The following MUC22 variants were observed in gnomAD, a reference collection of about 807,000 sequenced individuals.
MUC22 encodes the protein mucin 22.
MUC22 carries 24 observed loss-of-function variants against 40.3 expected under a neutral mutation model. The ratio of observed to expected loss-of-function variants is 0.60; its 90% CI spans 0.43 to 0.84. The LOEUF (loss-of-function observed/expected upper bound fraction) is 0.84, where lower values mean the gene tolerates loss of function less well. Ranked by LOEUF, MUC22 falls within the 40% of genes least tolerant of loss-of-function variation. MUC22 has a pLI of 0.00. For missense variants in MUC22, 1,926 were observed against 2,130.7 expected (o/e 0.90, Z 1.89); for synonymous variants, 765 against 844.5 (o/e 0.91, Z 1.63).
intron 2 of MUC22, among the ~76,000 whole-genome samples, chr6:31,031,031 T>C (rs370406065): frequency 2.0e-4 from 31 of 152,342 alleles, no homozygotes; most frequent in African/African-American, 7.5e-4. Flanking sequence ...GACCAAACAA[T>C]TTTGTTCATT....
chr6:31,032,117 C>T lies in MUC22; in HGVS notation c.4670-79C>T. On this transcript the variant is annotated intron_variant, in intron 2 of 3. Transcript: ENST00000561890. This position sits in a 1 kb window ranked among gnomAD's most constrained non-coding sequence, Gnocchi z 4.1. ...CCACCATAGGTTTGTTAGATTCACC[C>T]TCCTCTGGTCTAAGCACCCCCATTC... is the stretch of plus-strand genomic sequence containing the variant. 7.0e-7 allele frequency: 1 copy of T among 1,428,710 alleles called. No individual in the cohort carries two copies. Among genetic ancestry groups the T allele is most frequent in the Non-Finnish European group, 9.2e-7 (1 of 1,081,636 alleles). 88.5% of individuals were successfully genotyped at this position (1,428,710 alleles called of 1,614,324 possible).
intron 1 of MUC22, among the ~76,000 whole-genome samples, chr6:31,012,679 C>T (rs903993545): frequency 6.6e-6 from 1 of 152,030 alleles, no homozygotes; most frequent in Non-Finnish European, 1.5e-5. Context: ...GGCTGAAAGG[C>T]CCCTCCTCTT....
At chr6:31,028,371 A>G in exon 2 of MUC22, 2 of 1,533,512 alleles carry the variant, frequency 1.3e-6, no homozygotes, top group Non-Finnish European at 1.7e-6. Context: ...CCTCCATCAC[A>G]GGCTCTGAGA....
chr6:31,007,271 A>G (rs1763581380), upstream of MUC22, among the ~76,000 whole-genome samples: 1 of 152,248 alleles, frequency 6.6e-6, no homozygotes, highest in Non-Finnish European at 1.5e-5. The surrounding 1 kb of genome is among the most constrained non-coding windows in gnomAD (Gnocchi z 4.0). Flanking sequence ...GGACATTTCT[A>G]CACAAATGGT....
At chr6:31,018,938 A>C (rs1048277868) in intron 1 of MUC22, among the ~76,000 whole-genome samples, 1 of 136,098 alleles carries the variant, frequency 7.3e-6, no homozygotes, top group East Asian at 2.3e-4. Context: ...AGCTTGGTCC[A>C]GCGCCCTATT....
intron 1 of MUC22, among the ~76,000 whole-genome samples, chr6:31,012,914 A>G (rs948099516): frequency 2.6e-5 from 4 of 152,058 alleles, no homozygotes; most frequent in Admixed American, 2.6e-4. Context: ...ATGCACAAGT[A>G]TCATCCAAGG....
chr6:31,006,369 A>G (rs1239764126), upstream of MUC22, among the ~76,000 whole-genome samples: 2 of 152,208 alleles, frequency 1.3e-5, no homozygotes, highest in Non-Finnish European at 2.9e-5. Flanking sequence ...GACATCCCAG[A>G]AAAGACAAAA....
chr6:31,022,900 C>T (rs767545670), intron 1 of MUC22, among the ~76,000 whole-genome samples: 29 of 152,140 alleles, frequency 1.9e-4, no homozygotes, highest in Non-Finnish European at 3.4e-4. Context: ...GAGGCTGAGG[C>T]AGGTGGATCA....
At chr6:31,025,725 C>T in exon 2 of MUC22, 4 of 1,528,640 alleles carry the variant, frequency 2.6e-6, no homozygotes, top group Non-Finnish European at 2.6e-6. Context: ...CGGCCTCCAC[C>T]ACAGACTCAG....
chr6:31,026,031 T>C (rs9501039), exon 2 of MUC22: 45,270 of 1,528,420 alleles, frequency 0.03, 1,077 homozygotes, highest in Middle Eastern at 0.11. Context: ...CCACCTCCAC[T>C]GCAAGCTCTG....
At chr6:31,034,392 C>G (rs559664966) in intron 3 of MUC22, among the ~76,000 whole-genome samples, 1 of 152,316 alleles carries the variant, frequency 6.6e-6, no homozygotes, top group South Asian at 2.1e-4. Context: ...TCCAAAAACA[C>G]ATAACCTTAT....
At chr6:31,029,226 C>T (rs1369469417) in exon 2 of MUC22, 1 of 1,535,072 alleles carries the variant, frequency 6.5e-7, no homozygotes, top group Non-Finnish European at 8.7e-7. Flanking sequence ...GCTCTGAGAC[C>T]ACCACAGTCT....
intron 1 of MUC22, among the ~76,000 whole-genome samples, chr6:31,021,526 G>A (rs1296212574): frequency 4.7e-5 from 7 of 149,034 alleles, no homozygotes. Context: ...TACACCAATC[G>A]GCACTCTGTA....
intron 2 of MUC22, 50 bp downstream of exon 2, chr6:31,030,150 C>A (rs1429144212): frequency 3.4e-6 from 5 of 1,455,760 alleles, no homozygotes; most frequent in Admixed American, 2.3e-5. Flanking sequence ...ACTCCAGTGG[C>A]AACCACCAGC....
intron 2 of MUC22, among the ~76,000 whole-genome samples, chr6:31,031,048 C>T (rs1169138833): frequency 2.6e-5 from 4 of 152,212 alleles, no homozygotes; most frequent in Non-Finnish European, 5.9e-5. Flanking sequence ...CATTCTCTGG[C>T]ACTTGCCATC....
In MUC22 at chr6:31,032,555, T is replaced by C; in HGVS notation, c.5029T>C (p.Leu1677=). The change falls in exon 3 of 4, where the codon TTG becomes CTG. Residue 1677 remains leucine, a synonymous_variant. Transcript: ENST00000561890. This position sits in a 1 kb window ranked among gnomAD's most constrained non-coding sequence, Gnocchi z 4.1. The stretch of plus-strand genomic sequence containing the variant: ...GGCTGCAGTTGTGGCTGCTGTTGGA[T>C]TGTCAGTAGGACTGAGTTTTTGTCT... The C allele has an allele frequency of 3.3e-6, 5 of 1,535,358 alleles. No homozygotes were observed. Among genetic ancestry groups the C allele is most frequent in the Non-Finnish European group, 4.4e-6 (5 of 1,146,712 alleles).
exon 2 of MUC22, chr6:31,027,048 T>C: frequency 6.7e-7 from 1 of 1,499,680 alleles, no homozygotes; most frequent in Non-Finnish European, 8.9e-7. Flanking sequence ...CCGCAGCCTC[T>C]ACTACAGGCT....
At chr6:31,024,798 C>A (rs1765136502) in intron 1 of MUC22, among the ~76,000 whole-genome samples, 2 of 151,944 alleles carry the variant, frequency 1.3e-5, no homozygotes, top group Admixed American at 6.6e-5. Flanking sequence ...AGCTCATTAA[C>A]AACTCAGGGT....
chr6:31,012,664 G>A (rs759284264), intron 1 of MUC22, among the ~76,000 whole-genome samples: 4 of 152,162 alleles, frequency 2.6e-5, no homozygotes, highest in African/African-American at 4.8e-5. Context: ...GAGCAAGTGT[G>A]CAAGGGCTGA....
Sources: allele counts gnomAD v4.1 joint callset (sites outside exome capture counted in the v4.1 genomes callset), GRCh38; gene constraint gnomAD v4.1.1; non-coding constraint Gnocchi (gnomAD v3.1); transcripts MANE v1.5; gene names NCBI Gene and HGNC (gene_info 2026-07-23, HGNC 2026-07-21).